Variants in AKAP19 observed in about 807,000 individuals in gnomAD.
AKAP19 encodes the protein A-kinase anchoring protein 19, also known as small A-kinase anchoring protein.
chr2:190,190,875 G>A, the AKAP19 span, among the ~76,000 whole-genome samples: 1 of 152,114 alleles, frequency 6.6e-6, no homozygotes, highest in African/African-American at 2.4e-5. Context: ...CCACAATCGG[G>A]ATAAAGAATA....
the AKAP19 span, among the ~76,000 whole-genome samples, chr2:190,013,576 C>T: frequency 7.9e-5 from 12 of 151,956 alleles, no homozygotes; most frequent in African/African-American, 1.9e-4. Flanking sequence ...AGTGCAGCGG[C>T]GTGATCTTGG....
chr2:190,174,101 A>G, the AKAP19 span, among the ~76,000 whole-genome samples: 1 of 152,194 alleles, frequency 6.6e-6, no homozygotes, highest in African/African-American at 2.4e-5. Context: ...GAATTAGCTT[A>G]GACTGTGTGG....
At chr2:189,927,762 A>G in the AKAP19 span, among the ~76,000 whole-genome samples, 1 of 152,236 alleles carries the variant, frequency 6.6e-6, no homozygotes, top group South Asian at 2.1e-4. Context: ...TGTCTAGTAT[A>G]TAAGCCTGTG....
chr2:190,187,208 A>G, the AKAP19 span, among the ~76,000 whole-genome samples: 136 of 152,296 alleles, frequency 8.9e-4, 2 homozygotes, highest in East Asian at 0.021. Context: ...GTTTTTTTAT[A>G]TATTTACATT....
the AKAP19 span, among the ~76,000 whole-genome samples, chr2:190,066,549 A>G: frequency 6.6e-6 from 1 of 152,190 alleles, no homozygotes; most frequent in Non-Finnish European, 1.5e-5. Flanking sequence ...TATGCTGATT[A>G]TTCTTAGAGC....
chr2:190,172,446 T>C, the AKAP19 span, among the ~76,000 whole-genome samples: 2 of 152,212 alleles, frequency 1.3e-5, no homozygotes, highest in African/African-American at 4.8e-5. Context: ...CTAGAAAATA[T>C]CATTGTTCTG....
chr2:189,960,361 T>G, the AKAP19 span, among the ~76,000 whole-genome samples: 1 of 152,160 alleles, frequency 6.6e-6, no homozygotes, highest in Non-Finnish European at 1.5e-5. Flanking sequence ...TAAACTGGAG[T>G]GAAATACGTG....
the AKAP19 span, among the ~76,000 whole-genome samples, chr2:190,162,738 T>G: frequency 2.6e-5 from 4 of 152,208 alleles, no homozygotes; most frequent in African/African-American, 7.2e-5. Flanking sequence ...TAAGCTCCGA[T>G]GGACATATCA....
At chr2:190,015,317 A>C in the AKAP19 span, among the ~76,000 whole-genome samples, 1 of 152,084 alleles carries the variant, frequency 6.6e-6, no homozygotes, top group Non-Finnish European at 1.5e-5. Context: ...GCTTCTGTGC[A>C]CTCATGGGCC....
At chr2:189,958,629 A>G in the AKAP19 span, among the ~76,000 whole-genome samples, 1 of 150,894 alleles carries the variant, frequency 6.6e-6, no homozygotes, top group Non-Finnish European at 1.5e-5. Flanking sequence ...CCTCTTGCAT[A>G]TGTGCACCAG....
the AKAP19 span, among the ~76,000 whole-genome samples, chr2:189,964,404 G>T: frequency 1.3e-5 from 2 of 152,244 alleles, no homozygotes; most frequent in Admixed American, 1.3e-4. Flanking sequence ...AACGAGCATT[G>T]GCTTCAACTT....
the AKAP19 span, among the ~76,000 whole-genome samples, chr2:190,192,457 T>TGTGG: frequency 2.1e-5 from 2 of 94,660 alleles, no homozygotes; most frequent in Non-Finnish European, 4.3e-5. Context: ...AGAATCTGTG[T>TGTGG]GTGTGTGTGT....
At chr2:190,113,203 C>T in the AKAP19 span, among the ~76,000 whole-genome samples, 6 of 151,870 alleles carry the variant, frequency 4.0e-5, no homozygotes, top group Non-Finnish European at 7.4e-5. Flanking sequence ...TCTTGGTCAG[C>T]GTTTTCATTT....
the AKAP19 span, among the ~76,000 whole-genome samples, chr2:189,994,857 C>G: frequency 2.0e-5 from 3 of 152,146 alleles, no homozygotes; most frequent in Non-Finnish European, 2.9e-5. Context: ...CCTTGGCTTC[C>G]CAAAGTGTTG....
At chr2:190,025,383 G>A in the AKAP19 span, among the ~76,000 whole-genome samples, 1 of 152,046 alleles carries the variant, frequency 6.6e-6, no homozygotes, top group Non-Finnish European at 1.5e-5. Context: ...TGTGCACAAT[G>A]AACTGAATAT....
the AKAP19 span, among the ~76,000 whole-genome samples, chr2:189,995,510 T>C: frequency 6.6e-6 from 1 of 152,234 alleles, no homozygotes; most frequent in South Asian, 2.1e-4. Flanking sequence ...TGAGTCCTTA[T>C]GTGTTAGATG....
At chr2:190,081,626 T>G in the AKAP19 span, among the ~76,000 whole-genome samples, 2 of 152,228 alleles carry the variant, frequency 1.3e-5, no homozygotes, top group Non-Finnish European at 2.9e-5. Flanking sequence ...TCTATTAGTT[T>G]GTTTTATAGA....
At chr2:190,003,374 A>T in the AKAP19 span, among the ~76,000 whole-genome samples, 1 of 151,878 alleles carries the variant, frequency 6.6e-6, no homozygotes, top group Non-Finnish European at 1.5e-5. Flanking sequence ...TTCTTTTTTG[A>T]CATCTAGATG....
the AKAP19 span, among the ~76,000 whole-genome samples, chr2:189,942,692 G>T: frequency 6.6e-6 from 1 of 152,228 alleles, no homozygotes; most frequent in African/African-American, 2.4e-5. Context: ...TGAAGTCCAG[G>T]CTGCTAAGAT....
Sources: allele counts gnomAD v4.1 joint callset (sites outside exome capture counted in the v4.1 genomes callset), GRCh38; gene constraint gnomAD v4.1.1; transcripts MANE v1.5; gene names NCBI Gene and HGNC (gene_info 2026-07-23, HGNC 2026-07-21).